HGD: variants seen among roughly 807,000 people sequenced by gnomAD.
HGD encodes the protein homogentisate 1,2-dioxygenase, also known as homogentisate oxidase.
In HGD, 61 loss-of-function variants were observed where a neutral mutation model predicts 60.8. The observed-to-expected ratio is 1.00, with a 90% confidence interval of 0.82 to 1.24. The LOEUF is 1.24. HGD is among the 50% of genes most tolerant of loss of function. The pLI is 0.00. For synonymous variants in HGD, 212 were observed against 187.7 expected, an observed-to-expected ratio of 1.13 and a Z score of -1.06; for missense variants, 542 against 547.1, an observed-to-expected ratio of 0.99 and a Z score of 0.09.
At chr3:120,634,462 C>A (rs941996011) in intron 12 of HGD, among the ~76,000 whole-genome samples, 1 of 152,132 alleles carries the variant, frequency 6.6e-6, no homozygotes, top group East Asian at 1.9e-4. Flanking sequence ...ATTCATCTGT[C>A]TTTTTCCCAC....
Position 120,650,871 on chromosome 3 carries a change from A to G in HGD, c.343-6T>C, listed in dbSNP as rs753344566. On this transcript the variant is annotated splice_region_variant and splice_polypyrimidine_tract_variant and intron_variant, in intron 5 of 13. Coordinates refer to ENST00000283871, the MANE Select transcript of HGD (RefSeq NM_000187.4). ...CCACACAAGGTATGCAGGCCCTGGG[A>G]GAGACCCACAGAAGAGGGAAAGGTT... The G allele has an allele frequency of 6.2e-7, 1 of 1,607,896 alleles. No homozygotes were observed. Among genetic ancestry groups the G allele is most frequent in the Non-Finnish European group, 8.5e-7 (1 of 1,174,286 alleles).
At chr3:120,659,716 C>G (rs935677380) in intron 4 of HGD, among the ~76,000 whole-genome samples, 7 of 152,302 alleles carry the variant, frequency 4.6e-5, no homozygotes, top group Non-Finnish European at 7.4e-5. Context: ...TGTCCCACTC[C>G]TTGGTACCAA....
In HGD at chr3:120,628,223, C is replaced by T; in HGVS notation, c.*157G>A. 1 of 789,430 alleles carries T rather than the reference C, an allele frequency of 1.3e-6. No homozygotes were observed. Among genetic ancestry groups the T allele is most frequent in the Non-Finnish European group, 2.1e-6 (1 of 467,238 alleles). 48.9% of individuals were successfully genotyped at this position (789,430 alleles called of 1,614,324 possible). A position where few individuals can be genotyped will look rare whatever the true frequency, so the allele number is the denominator to read the frequency against. On this transcript the variant is annotated 3_prime_UTR_variant, in exon 14 of 14. Transcript: ENST00000283871. The stretch of plus-strand genomic sequence containing the variant: ...AGTAATTAAGGTGACAGCCATAGAA[C>T]TTTGCAAATGCGTTTCCATAAAAGT...
chr3:120,661,092 T>C (rs1326049980), intron 4 of HGD, among the ~76,000 whole-genome samples: 1 of 152,186 alleles, frequency 6.6e-6, no homozygotes, highest in East Asian at 1.9e-4. Context: ...AACAGTTAAA[T>C]TTTCTCTACT....
chr3:120,677,645 C>T (rs969137506), intron 1 of HGD, among the ~76,000 whole-genome samples: 3 of 152,190 alleles, frequency 2.0e-5, no homozygotes, highest in African/African-American at 7.2e-5. Context: ...TGATCTCACC[C>T]TGCCTCCACT....
chr3:120,658,349 G>A (rs2081311), intron 4 of HGD, among the ~76,000 whole-genome samples: 128,681 of 152,212 alleles, frequency 0.85, 55,238 homozygotes, highest in East Asian at 0.98. Flanking sequence ...TATAGGCCCC[G>A]TGCATGTCTG....
chr3:120,657,841 G>C (rs1446086943), intron 4 of HGD, among the ~76,000 whole-genome samples: 1 of 151,800 alleles, frequency 6.6e-6, no homozygotes, highest in Non-Finnish European at 1.5e-5. Flanking sequence ...GAGAGAGAAA[G>C]AGAGAGAGAA....
At position 120,659,887 on chromosome 3, in the gene HGD, G is replaced by A. The variant is rs1034060071; in HGVS notation, c.283-7236C>T. On this transcript the variant is annotated intron_variant, in intron 4 of 13. Transcript: ENST00000283871. ...GCTCAGAAAGTTTTCAATCATGGCA[G>A]AAGGCAAAGATATGATGGGAGCATC... 6.1e-5 allele frequency among the ~76,000 whole-genome samples: 9 copies of A among 148,390 alleles called. No homozygotes were observed. In the Admixed American group the frequency reaches 6.3e-4, roughly 10 times the overall value.
At chr3:120,643,783 T>C (rs1941070749) in intron 10 of HGD, among the ~76,000 whole-genome samples, 1 of 152,220 alleles carries the variant, frequency 6.6e-6, no homozygotes, top group Non-Finnish European at 1.5e-5. Flanking sequence ...TTGTTGTTAT[T>C]ATTATTTATT....
intron 3 of HGD, 73 bp downstream of exon 3, chr3:120,674,828 G>C (rs1179157956): frequency 2.0e-6 from 2 of 1,001,484 alleles, no homozygotes; most frequent in Non-Finnish European, 3.2e-6. Context: ...TGTGGCCCAG[G>C]GGAAGGAGGC....
At chr3:120,640,649 G>A (rs552614209) in intron 11 of HGD, among the ~76,000 whole-genome samples, 48 of 152,322 alleles carry the variant, frequency 3.2e-4, no homozygotes, top group Admixed American at 2.2e-3. Context: ...CAACTGTCAT[G>A]GGACATGATC....
intron 11 of HGD, among the ~76,000 whole-genome samples, 173 bp from the exon 12 acceptor site, chr3:120,638,754 G>C (rs564177323): frequency 1.3e-5 from 2 of 152,038 alleles, no homozygotes; most frequent in Non-Finnish European, 2.9e-5. Context: ...TGTTACATGG[G>C]TATATTGTGT....
In HGD at chr3:120,674,958, T is replaced by C. The variant is rs747899770; in HGVS notation, c.119A>G (p.Tyr40Cys). ...AGCCGATCCTGAGAGCTGCTCAGCA[T>C]AGAGATTGTAGGGGCAGACCTGAGG... ...NNPQVCPYNL[Y>C]AEQLSGSAFT... The change falls in exon 3 of 14, where the codon TAT becomes TGT. Residue 40 changes from tyrosine (Y) to cysteine (C), a missense_variant. This residue lies in a region of HGD where 537 missense variants were observed against 529.1 expected (regional missense o/e 1.01). Coordinates refer to ENST00000283871, the MANE Select transcript of HGD (RefSeq NM_000187.4). 3.1e-6 allele frequency: 5 copies of C among 1,611,738 alleles called. No individual in the cohort carries two copies. The highest frequency in any genetic ancestry group is 1.7e-5 in the Admixed American group (1 of 59,950).
In HGD at chr3:120,639,956, G is replaced by A. The variant is rs1044426631; in HGVS notation, c.880-1375C>T. Among the ~76,000 whole-genome samples the A allele has an allele frequency of 2.6e-5, 4 of 152,206 alleles. No individual in the cohort carries two copies. In the South Asian group the frequency reaches 8.3e-4, roughly 32 times the overall value. ...ATGTTCCCTTTCAGATGCCATGTAAGAGTCTGGAGATTCAAAGATCATGGG... is the reference window on the plus strand; with the variant it reads ...ATGTTCCCTTTCAGATGCCATGTAAAAGTCTGGAGATTCAAAGATCATGGG... On this transcript the variant is annotated intron_variant, in intron 11 of 13. Coordinates refer to ENST00000283871, the MANE Select transcript of HGD (RefSeq NM_000187.4).
At chr3:120,663,851 G>GA (rs201678455) in intron 4 of HGD, among the ~76,000 whole-genome samples, 8,964 of 151,940 alleles carry the variant, frequency 0.059, 776 homozygotes, top group African/African-American at 0.19. Context: ...AAAAGACATG[G>GA]AAAAAGGCGC....
chr3:120,667,978 C>G (rs1226247331), intron 4 of HGD, among the ~76,000 whole-genome samples: 1 of 152,072 alleles, frequency 6.6e-6, no homozygotes, highest in African/African-American at 2.4e-5. Flanking sequence ...GTGCCCTGTG[C>G]AAGGGCCTTG....
intron 4 of HGD, among the ~76,000 whole-genome samples, chr3:120,668,326 T>C (rs561026265): frequency 1.3e-5 from 2 of 152,280 alleles, no homozygotes; most frequent in South Asian, 4.1e-4. Flanking sequence ...AGATGCTTAT[T>C]TCGCTGAGAT....
intron 4 of HGD, among the ~76,000 whole-genome samples, chr3:120,654,123 T>C (rs1372236115): frequency 2.6e-5 from 4 of 152,108 alleles, no homozygotes; most frequent in Non-Finnish European, 5.9e-5. Flanking sequence ...CCTTCTATAG[T>C]AACAGAGCAG....
chr3:120,638,630 T>C, intron 11 of HGD, 49 bp from the exon 12 acceptor site: 2 of 1,609,916 alleles, frequency 1.2e-6, no homozygotes, highest in East Asian at 4.5e-5. Flanking sequence ...GGGAAGTGAC[T>C]GGACAATGAC....
Sources: allele counts gnomAD v4.1 joint callset (sites outside exome capture counted in the v4.1 genomes callset), GRCh38; gene constraint gnomAD v4.1.1; regional missense constraint gnomAD v4.1.1; transcripts MANE v1.5; gene names NCBI Gene and HGNC (gene_info 2026-07-23, HGNC 2026-07-21).